Variants in ATP6V1E1 observed in about 807,000 individuals in gnomAD.
The protein encoded by ATP6V1E1 is V-type proton ATPase subunit E 1.
ATP6V1E1 carries 21 observed loss-of-function variants against 35.2 expected under a neutral mutation model. The ratio of observed to expected loss-of-function variants is 0.60; its 90% CI spans 0.42 to 0.86. The LOEUF is 0.86. Among genes scored for constraint, ATP6V1E1 ranks in the 40% least tolerant of loss-of-function variants. The probability of loss-of-function intolerance (pLI) is 0.00; values close to 1 mark genes in which losing one functional copy is unlikely to be tolerated. For missense variants in ATP6V1E1, 183 were observed against 272.6 expected, an observed-to-expected ratio of 0.67 and a Z score of 2.32; for synonymous variants, 83 against 87.8, an observed-to-expected ratio of 0.95 and a Z score of 0.30.
intron 4 of ATP6V1E1, among the ~76,000 whole-genome samples, chr22:17,610,328 T>G (rs1288307411): frequency 6.6e-6 from 1 of 152,114 alleles, no homozygotes; most frequent in Admixed American, 6.6e-5. Context: ...CAAGTTAAAA[T>G]TACAAGTCAA....
chr22:17,628,796 A>G, upstream of ATP6V1E1: 3 of 917,602 alleles, frequency 3.3e-6, no homozygotes, highest in East Asian at 7.8e-5. Context: ...GTTCATCCTC[A>G]TGACCCTTCT....
intron 1 of ATP6V1E1, among the ~76,000 whole-genome samples, chr22:17,627,460 C>T (rs2057918576): frequency 6.6e-6 from 1 of 151,900 alleles, no homozygotes; most frequent in African/African-American, 2.4e-5. Flanking sequence ...TTAACACACA[C>T]ATTAGTGGGA....
chr22:17,613,071 G>A, intron 3 of ATP6V1E1, 140 bp downstream of exon 3: 2 of 911,854 alleles, frequency 2.2e-6, no homozygotes, highest in African/African-American at 1.7e-5. Flanking sequence ...CACAAATGAA[G>A]AAAGAGAAGT....
At chr22:17,600,208 G>GT in intron 5 of ATP6V1E1, 113 bp from the exon 6 acceptor site, 1 of 912,072 alleles carries the variant, frequency 1.1e-6, no homozygotes, top group East Asian at 2.6e-5. Flanking sequence ...GCCAAGGCGG[G>GT]CGGATTGCCT....
chr22:17,600,166 G>A, intron 5 of ATP6V1E1, 71 bp from the exon 6 acceptor site: 1 of 1,397,430 alleles, frequency 7.2e-7, no homozygotes, highest in South Asian at 1.2e-5. Flanking sequence ...CGGGCACAGT[G>A]GCTCAGGTCT....
chr22:17,619,024 T>C (rs1568892852), intron 2 of ATP6V1E1: 2 of 454,166 alleles, frequency 4.4e-6, no homozygotes, highest in Non-Finnish European at 8.8e-6. Flanking sequence ...CCAGGCACTG[T>C]GGCTCATACC....
chr22:17,594,297 C>A (rs1012779026), intron 8 of ATP6V1E1, among the ~76,000 whole-genome samples: 2 of 152,200 alleles, frequency 1.3e-5, no homozygotes, highest in African/African-American at 4.8e-5. Flanking sequence ...GTAAAATGTA[C>A]ATATTCGAAT....
At chr22:17,628,574 G>A (rs997681693) in intron 1 of ATP6V1E1, 29 bp downstream of exon 1, 3 of 1,613,858 alleles carry the variant, frequency 1.9e-6, no homozygotes, top group African/African-American at 1.3e-5. Context: ...TGCCGCCGCG[G>A]CTTCGTAAGA....
rs576550220 is a variant in ATP6V1E1, at chr22:17,622,817, A to C, written c.34-3291T>G. Among the ~76,000 whole-genome samples the C allele has an allele frequency of 1.9e-3, 290 of 152,182 alleles. 1 individual carries two copies. Among genetic ancestry groups the C allele is most frequent in the Middle Eastern group, 6.8e-3 (2 of 294 alleles). Reference sequence around the variant, plus strand: ...CCCATCTCTACTAAAAATACAAAAAATTAGCCAGGCGTGGTGGTGCATGCC... The same window carrying C: ...CCCATCTCTACTAAAAATACAAAAACTTAGCCAGGCGTGGTGGTGCATGCC... On this transcript the variant is annotated intron_variant, in intron 1 of 8. Transcript: ENST00000253413.
chr22:17,600,012 T>A lies in ATP6V1E1; in HGVS notation c.435+15A>T, dbSNP rs757586676. ...GGGGAGGGAGGGAGGGAAAAAATTA[T>A]CCTAAGTTCTTTACCTTTACCAGAG... On this transcript the variant is annotated intron_variant, in intron 6 of 8. Coordinates refer to ENST00000253413, the MANE Select transcript of ATP6V1E1 (RefSeq NM_001696.4). 7.5e-6 allele frequency: 12 copies of A among 1,602,180 alleles called. No individual in the cohort carries two copies. The highest frequency in any genetic ancestry group is 1.0e-5 in the Non-Finnish European group (12 of 1,170,168).
chr22:17,601,255 C>A (rs201051793), intron 4 of ATP6V1E1, 74 bp from the exon 5 acceptor site: 1 of 1,208,066 alleles, frequency 8.3e-7, no homozygotes, highest in Admixed American at 2.0e-5. Context: ...TGAGGCTGAT[C>A]CTGGCTCATG....
intron 2 of ATP6V1E1, among the ~76,000 whole-genome samples, chr22:17,618,681 CAA>C (rs796136446): frequency 1.1e-4 from 8 of 72,418 alleles, no homozygotes; most frequent in Non-Finnish European, 6.4e-5. Flanking sequence ...GACTCCATCT[CAA>C]AAAAAAAAAA....
intron 1 of ATP6V1E1, among the ~76,000 whole-genome samples, chr22:17,623,488 T>C (rs2057888321): frequency 1.3e-5 from 2 of 152,044 alleles, no homozygotes; most frequent in Non-Finnish European, 2.9e-5. Flanking sequence ...CTGACCAACA[T>C]GGTGAAACCT....
At chr22:17,621,273 G>A (rs1326372696) in intron 1 of ATP6V1E1, among the ~76,000 whole-genome samples, 2 of 151,988 alleles carry the variant, frequency 1.3e-5, no homozygotes, top group Non-Finnish European at 2.9e-5. Flanking sequence ...CTCTACCCCC[G>A]CTTAAGATAA....
At chr22:17,615,770 C>T (rs1414365213) in intron 2 of ATP6V1E1, among the ~76,000 whole-genome samples, 3 of 152,084 alleles carry the variant, frequency 2.0e-5, no homozygotes, top group East Asian at 1.9e-4. Flanking sequence ...CGGTAGCTAA[C>T]GCCTGTAATC....
intron 4 of ATP6V1E1, among the ~76,000 whole-genome samples, chr22:17,602,775 A>G (rs765314552): frequency 1.3e-5 from 2 of 152,196 alleles, no homozygotes; most frequent in Non-Finnish European, 2.9e-5. Context: ...TTATTTATTT[A>G]TTCTAAGATT....
intron 1 of ATP6V1E1, 121 bp from the exon 2 acceptor site, chr22:17,619,647 G>A: frequency 3.8e-6 from 3 of 783,204 alleles, no homozygotes; most frequent in South Asian, 1.9e-5. Flanking sequence ...CCACTCTGGG[G>A]GGCCAAGGAG....
chr22:17,617,333 A>T (rs2057851324), intron 2 of ATP6V1E1, among the ~76,000 whole-genome samples: 1 of 152,168 alleles, frequency 6.6e-6, no homozygotes, highest in South Asian at 2.1e-4. Flanking sequence ...TCTGTCACCC[A>T]GGCTAGATGG....
Position 17,619,442 on chromosome 22 carries a change from A to C in ATP6V1E1, c.99+19T>G, listed in dbSNP as rs1193999316. 1 of 1,587,380 alleles carries C rather than the reference A, an allele frequency of 6.3e-7. No individual in the cohort carries two copies. Among genetic ancestry groups the C allele is most frequent in the Non-Finnish European group, 8.6e-7 (1 of 1,165,676 alleles). On this transcript the variant is annotated intron_variant, in intron 2 of 8. Coordinates refer to ENST00000253413, the MANE Select transcript of ATP6V1E1 (RefSeq NM_001696.4). ...ATGGAAACCTTGATAACTTCTTAAA[A>C]CTAGAAAATGAATCTCACCTTTGCA...
Sources: gnomAD v4.1 joint callset for allele counts (sites outside exome capture counted in the v4.1 genomes callset) on GRCh38, gnomAD v4.1.1 for gene constraint, MANE v1.5 for transcripts, NCBI Gene and HGNC (gene_info 2026-07-23, HGNC 2026-07-21) for gene names.